The following LUC7L variants were observed in gnomAD, a reference collection of about 807,000 sequenced individuals.
LUC7L encodes LUC7 like.
LUC7L carries 29 observed loss-of-function variants against 51.1 expected under a neutral mutation model. That is an observed-to-expected ratio of 0.57 (90% CI 0.42 to 0.77). The LOEUF (loss-of-function observed/expected upper bound fraction) is 0.77. Ranked by LOEUF, LUC7L falls within the 30% of genes least tolerant of loss-of-function variation. The pLI is 0.00. For synonymous variants in LUC7L, 181 were observed against 180.7 expected, an observed-to-expected ratio of 1.00 and a Z score of -0.01; for missense variants, 403 against 511.9, an observed-to-expected ratio of 0.79 and a Z score of 2.05.
intron 7 of LUC7L, among the ~76,000 whole-genome samples, chr16:192,351 G>T (rs1197106144): frequency 6.6e-6 from 1 of 151,998 alleles, no homozygotes; most frequent in Non-Finnish European, 1.5e-5. Flanking sequence ...GCGTAAACAG[G>T]TGTCCAATGG....
Position 224,831 on chromosome 16 carries a change from G to GA in LUC7L, c.156+2410dup, listed in dbSNP as rs113418171. On this transcript the variant is annotated intron_variant, in intron 2 of 9. Transcript: ENST00000293872. ...TAGGCAACAGAGTGAGACTCCGTCT[G>GA]AAAAAAAAAAACCTCACATGAAGCA... 3.8e-3 allele frequency among the ~76,000 whole-genome samples: 550 copies of GA among 144,506 alleles called. 1 individual carries two copies. The highest frequency in any genetic ancestry group is 7.6e-3 in the South Asian group (35 of 4,618). The allele number at this position is 144,506 out of a possible 152,430, so 94.8% of individuals were successfully genotyped here.
chr16:214,669 G>A (rs1453968920), intron 3 of LUC7L, among the ~76,000 whole-genome samples: 1 of 152,136 alleles, frequency 6.6e-6, no homozygotes, highest in East Asian at 1.9e-4. Flanking sequence ...TGGGACTATA[G>A]TTGCAGGCCA....
rs1490760637 is a variant in LUC7L, at chr16:192,284, G to C, written c.776+643C>G. Among the ~76,000 whole-genome samples the C allele has an allele frequency of 2.0e-5, 3 of 152,028 alleles. No individual in the cohort carries two copies. The East Asian group carries it at 5.8e-4, about 29-fold the overall frequency. ...TTCCCACCTAGCTCCCCAAGGTCCTGCTGCTTCTACTCCAGCCCAGCACGC... is the reference window on the plus strand; with the variant it reads ...TTCCCACCTAGCTCCCCAAGGTCCTCCTGCTTCTACTCCAGCCCAGCACGC... On this transcript the variant is annotated intron_variant, in intron 7 of 9. Coordinates refer to ENST00000293872, the MANE Select transcript of LUC7L (RefSeq NM_201412.3).
At chr16:218,795 A>C (rs1422465484) in intron 3 of LUC7L, among the ~76,000 whole-genome samples, 6 of 151,900 alleles carry the variant, frequency 3.9e-5, no homozygotes, top group South Asian at 2.1e-4. Flanking sequence ...ATGCTACTCT[A>C]AATGAATTTA....
chr16:207,969 A>G, intron 4 of LUC7L, 109 bp downstream of exon 4: 1 of 682,276 alleles, frequency 1.5e-6, no homozygotes, highest in South Asian at 1.9e-5. Flanking sequence ...AGATCATGCC[A>G]CTGCACTCCA....
chr16:200,937 CA>C (rs1462182031), intron 5 of LUC7L, among the ~76,000 whole-genome samples: 2 of 151,878 alleles, frequency 1.3e-5, no homozygotes, highest in Non-Finnish European at 2.9e-5. Context: ...GCAATCCCAG[CA>C]CTTTGGGAGG....
chr16:209,838 A>G (rs1418317801), intron 3 of LUC7L: 2 of 152,076 alleles, frequency 1.3e-5, no homozygotes, highest in Admixed American at 6.6e-5. Flanking sequence ...AATCTTAAAT[A>G]TTTTTTTCAA....
At chr16:222,182 C>T (rs867605461) in intron 2 of LUC7L, among the ~76,000 whole-genome samples, 13 of 150,566 alleles carry the variant, frequency 8.6e-5, no homozygotes, top group Middle Eastern at 3.4e-3. Flanking sequence ...TATGCAGACA[C>T]CTTCTGCCTC....
chr16:210,180 C>G (rs111288457), intron 3 of LUC7L, among the ~76,000 whole-genome samples: 138 of 152,122 alleles, frequency 9.1e-4, no homozygotes, highest in Middle Eastern at 6.8e-3. Context: ...CCAGCTACTT[C>G]GGAGGCTGAG....
At chr16:205,061 A>G (rs2049444453) in intron 5 of LUC7L, among the ~76,000 whole-genome samples, 1 of 152,240 alleles carries the variant, frequency 6.6e-6, no homozygotes, top group Non-Finnish European at 1.5e-5. Flanking sequence ...TTACAGTAGT[A>G]CAGTACCTAT....
At chr16:194,281 A>C (rs550473532) in intron 6 of LUC7L, among the ~76,000 whole-genome samples, 3 of 151,862 alleles carry the variant, frequency 2.0e-5, no homozygotes, top group African/African-American at 4.8e-5. Flanking sequence ...ATCTTTAAAC[A>C]TTTTTTATGG....
At chr16:196,748 G>A (rs1390725547) in intron 6 of LUC7L, among the ~76,000 whole-genome samples, 1 of 151,676 alleles carries the variant, frequency 6.6e-6, no homozygotes, top group Non-Finnish European at 1.5e-5. Flanking sequence ...GGCTGGTCTC[G>A]AACTCCTGAC....
Position 210,908 on chromosome 16 carries a change from G to A in LUC7L, c.256-2720C>T, listed in dbSNP as rs555815940. On this transcript the variant is annotated intron_variant, in intron 3 of 9. Transcript: ENST00000293872. Reference sequence around the variant, plus strand: ...CTACTAAAAATACAAAAAATTAGCCGGGCGTGGTGGCGGGCGCCTATAGTC... The same window carrying A: ...CTACTAAAAATACAAAAAATTAGCCAGGCGTGGTGGCGGGCGCCTATAGTC... Among the ~76,000 whole-genome samples the A allele has an allele frequency of 7.1e-4, 107 of 150,208 alleles. 1 individual carries two copies. The highest frequency in any genetic ancestry group is 2.3e-3 in the South Asian group (11 of 4,722).
intron 7 of LUC7L, 160 bp from the exon 8 acceptor site, chr16:190,730 C>G: frequency 1.5e-6 from 1 of 646,626 alleles, no homozygotes; most frequent in Non-Finnish European, 2.8e-6. Flanking sequence ...GAACACAAAA[C>G]CTGGCCAGGC....
intron 2 of LUC7L, among the ~76,000 whole-genome samples, chr16:224,635 G>A (rs990393381): frequency 4.6e-5 from 7 of 151,718 alleles, no homozygotes; most frequent in Admixed American, 2.6e-4. Context: ...TTTGAGACCA[G>A]CCTGGCCAAC....
At chr16:189,780 G>A in intron 9 of LUC7L, 188 bp downstream of exon 9, 1 of 1,417,024 alleles carries the variant, frequency 7.1e-7, no homozygotes, top group South Asian at 1.6e-5. Flanking sequence ...CCATCACCTG[G>A]CGCCGTGCGA....
At chr16:201,736 GCTTTT>G (rs2049338972) in intron 5 of LUC7L, among the ~76,000 whole-genome samples, 1 of 129,894 alleles carries the variant, frequency 7.7e-6, no homozygotes, top group African/African-American at 3.0e-5. Flanking sequence ...ACCGCACCAG[GCTTTT>G]TTTTTTTTTT....
intron 7 of LUC7L, 138 bp downstream of exon 7, chr16:192,789 C>T (rs917596247): frequency 1.2e-5 from 9 of 760,766 alleles, no homozygotes; most frequent in South Asian, 4.7e-5. Context: ...AGGCGTGAGC[C>T]GCCAGGCCTG....
In LUC7L at chr16:224,527, A is replaced by G. The variant is rs545163092; in HGVS notation, c.156+2715T>C. On this transcript the variant is annotated intron_variant, in intron 2 of 9. Transcript: ENST00000293872. The stretch of plus-strand genomic sequence containing the variant: ...AGAGCGAAACTCAGTCTCAAAATAA[A>G]AAAAAAAGAAAACCTCATGAGGCCA... 1.5e-4 allele frequency among the ~76,000 whole-genome samples: 19 copies of G among 124,642 alleles called. No individual in the cohort carries two copies. The South Asian group carries it at 5.1e-3, about 33-fold the overall frequency. The allele number at this position is 124,642 out of a possible 152,430, so 81.8% of individuals were successfully genotyped here.
Sources: allele counts gnomAD v4.1 joint callset (sites outside exome capture counted in the v4.1 genomes callset), GRCh38; gene constraint gnomAD v4.1.1; transcripts MANE v1.5; gene names NCBI Gene and HGNC (gene_info 2026-07-23, HGNC 2026-07-21).